Variants in CYS1 observed in about 807,000 individuals in gnomAD.
The protein encoded by CYS1 is cystin-1.
A neutral mutation model predicts 9.6 loss-of-function variants in CYS1; 5 were observed. The observed-to-expected ratio is 0.52, with a 90% CI of 0.27 to 1.10. The LOEUF is 1.10. Ranked by LOEUF, CYS1 falls within the 50% of genes least tolerant of loss-of-function variation. CYS1 has a pLI of 0.11. For synonymous variants in CYS1, 88 were observed against 95.7 expected (o/e 0.92, Z 0.47); for missense variants, 221 against 207.9 (o/e 1.06, Z -0.39).
At chr2:10,079,334 C>T (rs948346646) in intron 1 of CYS1, among the ~76,000 whole-genome samples, 1 of 152,234 alleles carries the variant, frequency 6.6e-6, no homozygotes, top group African/African-American at 2.4e-5. Flanking sequence ...AGATCTTGTT[C>T]ATTCAGCTCT....
intron 1 of CYS1, among the ~76,000 whole-genome samples, chr2:10,070,258 C>A (rs1661747887): frequency 1.3e-5 from 2 of 152,232 alleles, no homozygotes; most frequent in Non-Finnish European, 2.9e-5. Context: ...GTTCTCCCAG[C>A]CTGGCCCAGT....
intron 2 of CYS1, among the ~76,000 whole-genome samples, chr2:10,064,495 C>T (rs1009211070): frequency 1.3e-5 from 2 of 152,064 alleles, no homozygotes; most frequent in African/African-American, 2.4e-5. Flanking sequence ...TCTGCAGCAG[C>T]TTCTAACATT....
At position 10,065,937 on chromosome 2, in the gene CYS1, GTGCTC is replaced by G. The variant is rs1251798149; in HGVS notation, c.333_337del (p.Gln111HisfsTer12). The G allele has an allele frequency of 1.2e-6, 2 of 1,614,218 alleles. No individual in the cohort carries two copies. Among genetic ancestry groups the G allele is most frequent in the Non-Finnish European group, 1.7e-6 (2 of 1,180,036 alleles). ...ATTGCCGCTCCCCGGGTGGCCCTCT[GTGCTC>G]TGCTCTGCGCACACCTTGAGAAAGA... On this transcript the variant is annotated frameshift_variant, in exon 2 of 3. Transcript: ENST00000381813. LOFTEE classifies it low-confidence loss of function (END_TRUNC).
intron 1 of CYS1, among the ~76,000 whole-genome samples, chr2:10,077,244 G>A (rs1661856575): frequency 6.6e-6 from 1 of 151,900 alleles, no homozygotes; most frequent in Non-Finnish European, 1.5e-5. Flanking sequence ...CAGCTTCTGT[G>A]CCTGCCACCT....
At chr2:10,073,209 G>GGC (rs1661796234) in intron 1 of CYS1, among the ~76,000 whole-genome samples, 1 of 129,988 alleles carries the variant, frequency 7.7e-6, no homozygotes, top group African/African-American at 2.9e-5. Context: ...TCTGGGAACC[G>GGC]CCCCCCCCCC....
At chr2:10,079,263 G>C (rs1249601896) in intron 1 of CYS1, among the ~76,000 whole-genome samples, 1 of 151,970 alleles carries the variant, frequency 6.6e-6, no homozygotes, top group South Asian at 2.1e-4. Context: ...AAAGCCTCCC[G>C]GGCCTCAGGG....
Position 10,058,909 on chromosome 2 carries a change from A to G in CYS1, c.421T>C (p.Tyr141His). Residue 141 changes from tyrosine to histidine, a missense_variant, in exon 3 of 3, where the codon TAC (tyrosine) becomes CAC (histidine). Coordinates refer to ENST00000381813, the MANE Select transcript of CYS1 (RefSeq NM_001037160.3). ...KKPERPAAIS[Y>H]DHSEEGLMAS... ...ATCAGCCCCTCTTCCGAGTGGTCGT[A>G]GGAGATGGCTGCCGGCCTCTCGGGC... The G allele has an allele frequency of 1.9e-6, 3 of 1,596,472 alleles. No individual in the cohort carries two copies. Among genetic ancestry groups the G allele is most frequent in the Middle Eastern group, 3.3e-4 (2 of 6,018 alleles).
At chr2:10,075,157 A>C (rs1462030221) in intron 1 of CYS1, among the ~76,000 whole-genome samples, 1 of 151,956 alleles carries the variant, frequency 6.6e-6, no homozygotes, top group Non-Finnish European at 1.5e-5. Context: ...AGTTTTCTAC[A>C]CATTGTTTCC....
At chr2:10,059,372 A>G (rs940640781) in intron 2 of CYS1, among the ~76,000 whole-genome samples, 2 of 152,232 alleles carry the variant, frequency 1.3e-5, no homozygotes, top group Admixed American at 6.5e-5. Flanking sequence ...GCAGCATGTG[A>G]TGTGGAATCG....
chr2:10,065,878 G>A, intron 2 of CYS1, 26 bp downstream of exon 2: 1 of 1,613,718 alleles, frequency 6.2e-7, no homozygotes, highest in Non-Finnish European at 8.5e-7. Flanking sequence ...TGGCTTCTGG[G>A]AGAGATGTGC....
intron 2 of CYS1, among the ~76,000 whole-genome samples, chr2:10,061,523 T>A (rs911472507): frequency 2.6e-5 from 4 of 152,250 alleles, no homozygotes; most frequent in African/African-American, 9.6e-5. Flanking sequence ...AGCCCCCTGC[T>A]TGCCTGTGGA....
At chr2:10,066,540 T>C (rs984158071) in intron 1 of CYS1, among the ~76,000 whole-genome samples, 53 of 152,394 alleles carry the variant, frequency 3.5e-4, no homozygotes, top group African/African-American at 1.2e-3. Context: ...GTGGATTCTA[T>C]GGTCCGACAG....
chr2:10,078,866 C>T (rs895165624), intron 1 of CYS1, among the ~76,000 whole-genome samples: 6 of 152,344 alleles, frequency 3.9e-5, no homozygotes, highest in Middle Eastern at 3.4e-3. Context: ...GAGGGCACAA[C>T]ATTCACTCTT....
intron 1 of CYS1, among the ~76,000 whole-genome samples, chr2:10,073,132 G>A (rs906708748): frequency 4.6e-5 from 7 of 151,664 alleles, no homozygotes; most frequent in South Asian, 4.2e-4. Context: ...GGGGGGCAGC[G>A]GTGCAGGTGG....
chr2:10,072,750 C>T (rs933770229), intron 1 of CYS1, among the ~76,000 whole-genome samples: 5 of 152,226 alleles, frequency 3.3e-5, no homozygotes, highest in African/African-American at 1.2e-4. Context: ...CTGTTGCTCA[C>T]CACCAGAGGG....
At chr2:10,073,333 T>C (rs1218975267) in intron 1 of CYS1, among the ~76,000 whole-genome samples, 25 of 152,034 alleles carry the variant, frequency 1.6e-4, no homozygotes, top group Admixed American at 1.6e-3. Context: ...AGAGAGGCTG[T>C]CACTGGACTC....
intron 1 of CYS1, 27 bp from the exon 2 acceptor site, chr2:10,065,983 T>G (rs763401516): frequency 6.2e-7 from 1 of 1,613,814 alleles, no homozygotes; most frequent in Non-Finnish European, 8.5e-7. Flanking sequence ...TGAAGAGACA[T>G]TCAAAGATTG....
chr2:10,060,578 C>T (rs1016029686), intron 2 of CYS1, among the ~76,000 whole-genome samples: 3 of 152,258 alleles, frequency 2.0e-5, no homozygotes, highest in African/African-American at 7.2e-5. Flanking sequence ...ATTAGCACTG[C>T]CCGCGGCCAG....
intron 2 of CYS1, among the ~76,000 whole-genome samples, chr2:10,061,628 G>A (rs1661628495): frequency 6.6e-6 from 1 of 152,242 alleles, no homozygotes; most frequent in South Asian, 2.1e-4. Flanking sequence ...ATGCCCTGTA[G>A]GTGGAATCTT....
Sources: gnomAD v4.1 joint callset for allele counts (sites outside exome capture counted in the v4.1 genomes callset) on GRCh38, gnomAD v4.1.1 for gene constraint, MANE v1.5 for transcripts, NCBI Gene and HGNC (gene_info 2026-07-23, HGNC 2026-07-21) for gene names.